ADAMTSL3: variants seen among roughly 807,000 people sequenced by gnomAD.
The protein encoded by ADAMTSL3 is ADAMTS like 3.
A neutral mutation model predicts 201.7 loss-of-function variants in ADAMTSL3; 128 were observed. That is an observed-to-expected ratio of 0.63 (90% CI 0.55 to 0.73). The LOEUF (loss-of-function observed/expected upper bound fraction) is 0.73, where lower values mean the gene tolerates loss of function less well. Among genes scored for constraint, ADAMTSL3 ranks in the 30% least tolerant of loss-of-function variants. ADAMTSL3 has a pLI of 0.00. For synonymous variants in ADAMTSL3, 738 were observed against 748.4 expected (o/e 0.99, Z 0.23); for missense variants, 1,990 against 2,119.6 (o/e 0.94, Z 1.20).
intron 2 of ADAMTSL3, among the ~76,000 whole-genome samples, chr15:83,669,872 A>G (rs960602286): frequency 6.6e-6 from 1 of 152,018 alleles, no homozygotes; most frequent in African/African-American, 2.4e-5. Context: ...TACTCTCACA[A>G]CCCTCATAAA....
intron 2 of ADAMTSL3, among the ~76,000 whole-genome samples, chr15:83,697,196 C>G (rs991406891): frequency 1.8e-4 from 28 of 152,182 alleles, no homozygotes; most frequent in Admixed American, 1.2e-3. Context: ...CTCTTCTCCC[C>G]TGCTTCTCTC....
chr15:83,916,168 G>T (rs2066028978), intron 16 of ADAMTSL3, among the ~76,000 whole-genome samples: 1 of 152,188 alleles, frequency 6.6e-6, no homozygotes, highest in Non-Finnish European at 1.5e-5. Context: ...GCAGTATTCA[G>T]GTGGGTGATG....
At chr15:83,745,802 C>T (rs748315793) in intron 3 of ADAMTSL3, among the ~76,000 whole-genome samples, 2 of 152,176 alleles carry the variant, frequency 1.3e-5, no homozygotes, top group Non-Finnish European at 2.9e-5. Flanking sequence ...TATCTGGTGC[C>T]ATTGGGCAAA....
intron 4 of ADAMTSL3, among the ~76,000 whole-genome samples, chr15:83,793,416 C>A (rs1413483643): frequency 6.6e-6 from 1 of 152,108 alleles, no homozygotes; most frequent in Non-Finnish European, 1.5e-5. Context: ...TTGAAAACAT[C>A]ACATATTGTA....
chr15:83,750,020 G>A (rs894213247), intron 3 of ADAMTSL3, among the ~76,000 whole-genome samples: 8 of 152,196 alleles, frequency 5.3e-5, no homozygotes, highest in African/African-American at 1.9e-4. Context: ...GAAGACTAGT[G>A]TAGTGTGAAA....
At chr15:83,996,507 C>T (rs8041174) in intron 23 of ADAMTSL3, among the ~76,000 whole-genome samples, 3,583 of 152,080 alleles carry the variant, frequency 0.024, 137 homozygotes, top group African/African-American at 0.083. Context: ...GCAGTCCGGG[C>T]GCGGTGGCTC....
intron 16 of ADAMTSL3, among the ~76,000 whole-genome samples, chr15:83,914,284 CAG>C (rs1439053563): frequency 1.3e-5 from 2 of 152,188 alleles, no homozygotes; most frequent in Non-Finnish European, 2.9e-5. Context: ...CTCCTCCCAA[CAG>C]TCTTGAGCCC....
chr15:83,964,482 T>G (rs1305327102), intron 19 of ADAMTSL3, among the ~76,000 whole-genome samples: 6 of 151,492 alleles, frequency 4.0e-5, no homozygotes, highest in Non-Finnish European at 2.9e-5. Context: ...GAAAAAAGAA[T>G]GAAAAGGAAA....
At chr15:84,003,643 G>A (rs2067840000) in intron 23 of ADAMTSL3, among the ~76,000 whole-genome samples, 1 of 152,158 alleles carries the variant, frequency 6.6e-6, no homozygotes, top group Admixed American at 6.5e-5. Flanking sequence ...CAGTAAAAGT[G>A]AAGGGTTTTG....
rs79211113 is a variant in ADAMTSL3, at chr15:83,908,311, C to T, written c.1701-4781C>T. 0.01 allele frequency among the ~76,000 whole-genome samples: 1,540 copies of T among 152,172 alleles called. 109 individuals carry two copies. The East Asian group carries it at 0.2, about 19-fold the overall frequency. The stretch of plus-strand genomic sequence containing the variant: ...GTGGGCATAATAATATTTCCTGATA[C>T]GGTTGTTGTTATAAGAAAATGATAG... On this transcript the variant is annotated intron_variant, in intron 15 of 29. Transcript: ENST00000286744.
intron 21 of ADAMTSL3, among the ~76,000 whole-genome samples, chr15:83,985,338 C>T (rs187110977): frequency 3.0e-4 from 45 of 152,086 alleles, no homozygotes; most frequent in Admixed American, 7.2e-4. Context: ...TCATTGGCAA[C>T]AAATACTGTC....
chr15:83,857,455 A>G (rs2064763028), intron 7 of ADAMTSL3, among the ~76,000 whole-genome samples: 1 of 152,162 alleles, frequency 6.6e-6, no homozygotes, highest in African/African-American at 2.4e-5. Context: ...ACGTTAGGTC[A>G]TATAGCTTCT....
At chr15:83,970,172 G>A (rs572915104) in intron 19 of ADAMTSL3, among the ~76,000 whole-genome samples, 21 of 151,312 alleles carry the variant, frequency 1.4e-4, no homozygotes, top group African/African-American at 4.6e-4. Flanking sequence ...AAAATCCCAC[G>A]ATAATAAATT....
chr15:83,821,059 G>C (rs1385660654), intron 6 of ADAMTSL3, among the ~76,000 whole-genome samples: 6 of 151,856 alleles, frequency 4.0e-5, no homozygotes, highest in Non-Finnish European at 8.8e-5. Context: ...GAGTGACAGA[G>C]CGAGACTGTC....
At chr15:83,936,559 C>A (rs1463361891) in intron 17 of ADAMTSL3, among the ~76,000 whole-genome samples, 2 of 150,760 alleles carry the variant, frequency 1.3e-5, no homozygotes, top group Admixed American at 1.3e-4. Context: ...GCTATAAAAA[C>A]CCTGGAAGAT....
At chr15:83,805,877 G>A (rs114353224) in intron 5 of ADAMTSL3, among the ~76,000 whole-genome samples, 2,823 of 152,188 alleles carry the variant, frequency 0.019, 104 homozygotes, top group African/African-American at 0.065. Flanking sequence ...GGTAAGCAGG[G>A]AGCCCCTAGT....
At chr15:83,734,060 A>C (rs1217161944) in intron 3 of ADAMTSL3, among the ~76,000 whole-genome samples, 1 of 152,174 alleles carries the variant, frequency 6.6e-6, no homozygotes, top group African/African-American at 2.4e-5. Flanking sequence ...CTCTGAGACA[A>C]AAGTAATTTT....
At chr15:83,993,218 G>A (rs1478803171) in intron 23 of ADAMTSL3, among the ~76,000 whole-genome samples, 1 of 152,160 alleles carries the variant, frequency 6.6e-6, no homozygotes, top group Admixed American at 6.5e-5. Context: ...CAGAAAACTT[G>A]AGTTTTACAG....
intron 2 of ADAMTSL3, among the ~76,000 whole-genome samples, chr15:83,696,856 G>A (rs922405501): frequency 2.0e-5 from 3 of 152,170 alleles, no homozygotes; most frequent in Non-Finnish European, 2.9e-5. Context: ...ATCTAAAACA[G>A]TCTTGAGATG....
Sources: allele counts gnomAD v4.1 joint callset (sites outside exome capture counted in the v4.1 genomes callset), GRCh38; gene constraint gnomAD v4.1.1; transcripts MANE v1.5; gene names NCBI Gene and HGNC (gene_info 2026-07-23, HGNC 2026-07-21).